The following IRAG2 variants were observed in gnomAD, a reference collection of about 807,000 sequenced individuals.
IRAG2 encodes the protein inositol 1,4,5-triphosphate receptor associated 2.
A neutral mutation model predicts 69.9 loss-of-function variants in IRAG2; 45 were observed. That is an observed-to-expected ratio of 0.64 (90% confidence interval 0.51 to 0.83). The LOEUF is 0.83. IRAG2 is among the 40% of genes least tolerant of loss of function. IRAG2 has a pLI of 0.00. For synonymous variants in IRAG2, 193 were observed against 202.4 expected (o/e 0.95, Z 0.40); for missense variants, 520 against 587.0 (o/e 0.89, Z 1.18).
rs892020890 is a variant in IRAG2 at position 25,017,314 on chromosome 12, T to C, written c.1214+22T>C. 32 of 1,231,950 alleles carry C rather than the reference T, an allele frequency of 2.6e-5. No homozygotes were observed. In the South Asian group the frequency reaches 1.0e-3, roughly 40 times the overall value. The allele number at this position is 1,231,950 out of a possible 1,614,324, so 76.3% of individuals were successfully genotyped here. On this transcript the variant is annotated intron_variant, in intron 6 of 38. Transcript: ENST00000636465. ...AAAGGTGAGCCACAGTGGGGTCCAG[T>C]GTGCGGGGAACTTTCATTTCTTTTT...
rs1205676727 is a variant in IRAG2, at chr12:25,066,532, T to C, written c.-59+20T>C. On this transcript the variant is annotated intron_variant, in intron 5 of 21. Coordinates refer to ENST00000556887, the MANE Select transcript of IRAG2 (RefSeq NM_001366544.2). Reference sequence around the variant, plus strand: ...ACACAAGTAGGTTAAGAGCAAAATTTACTTACTCTACTCCTCATGGGTGGC... The same window carrying C: ...ACACAAGTAGGTTAAGAGCAAAATTCACTTACTCTACTCCTCATGGGTGGC... 2.5e-6 allele frequency: 1 copy of C among 401,220 alleles called. No individual in the cohort carries two copies. Among genetic ancestry groups the C allele is most frequent in the Non-Finnish European group, 4.4e-6 (1 of 226,154 alleles). The allele number at this position is 401,220 out of a possible 1,614,324, so 24.9% of individuals were successfully genotyped here.
intron 1 of IRAG2, among the ~76,000 whole-genome samples, chr12:25,060,728 T>C (rs952139015): frequency 4.6e-5 from 7 of 151,042 alleles, no homozygotes; most frequent in African/African-American, 1.7e-4. Context: ...TGGCATGATC[T>C]TGGCTCACTG....
upstream of IRAG2, among the ~76,000 whole-genome samples, chr12:25,001,189 C>A (rs569148278): frequency 5.1e-4 from 77 of 152,072 alleles, no homozygotes; most frequent in Non-Finnish European, 9.3e-4. Context: ...AACCACAAAG[C>A]AGGGCTCACT....
chr12:25,046,698 G>C (rs1030405772), intron 16 of IRAG2, among the ~76,000 whole-genome samples: 6 of 151,964 alleles, frequency 3.9e-5, no homozygotes, highest in African/African-American at 1.4e-4. Context: ...AAATGAAAAG[G>C]CATCCTACGT....
intron 6 of IRAG2, among the ~76,000 whole-genome samples, chr12:25,072,833 G>T (rs529419508): frequency 1.3e-5 from 2 of 152,218 alleles, no homozygotes; most frequent in Non-Finnish European, 2.9e-5. Flanking sequence ...GCCAAACCAG[G>T]TAGCCTATAT....
Position 25,069,434 on chromosome 12 carries a change from G to A in IRAG2, c.24+3G>A. On this transcript the variant is annotated splice_donor_region_variant and intron_variant, in intron 6 of 21. Coordinates refer to ENST00000556887, the MANE Select transcript of IRAG2 (RefSeq NM_001366544.2). Reference sequence around the variant, plus strand: ...TGAATGATGACCCAAGTATGGAAGTGAGTGTTGGACTGGATTTTGGTTTCA... The same window carrying A: ...TGAATGATGACCCAAGTATGGAAGTAAGTGTTGGACTGGATTTTGGTTTCA... 6.2e-7 allele frequency: 1 copy of A among 1,613,946 alleles called. No homozygotes were observed. Among genetic ancestry groups the A allele is most frequent in the South Asian group, 1.1e-5 (1 of 91,074 alleles).
At chr12:25,073,681 C>G (rs1459077730) in intron 6 of IRAG2, among the ~76,000 whole-genome samples, 1 of 152,128 alleles carries the variant, frequency 6.6e-6, no homozygotes, top group Non-Finnish European at 1.5e-5. Context: ...TTGGGACATT[C>G]TTGAGGAAGA....
intron 10 of IRAG2, among the ~76,000 whole-genome samples, chr12:25,085,285 G>A (rs778882879): frequency 8.5e-5 from 13 of 152,228 alleles, no homozygotes; most frequent in Non-Finnish European, 1.5e-4. Flanking sequence ...ACTGAGTGGT[G>A]GAGGTGGCTC....
At chr12:25,049,876 G>A (rs1944826843), upstream of IRAG2, among the ~76,000 whole-genome samples, 2 of 151,266 alleles carry the variant, frequency 1.3e-5, no homozygotes, top group Non-Finnish European at 2.9e-5. Context: ...CTAGCTACCC[G>A]GGAGGCTGAG....
chr12:25,011,290 C>A, intron 2 of IRAG2: 2 of 1,142,226 alleles, frequency 1.8e-6, no homozygotes, highest in Non-Finnish European at 2.2e-6. Context: ...GATCAGGAAA[C>A]ATTAAAGAGA....
chr12:25,050,527 C>CA (rs747761089), upstream of IRAG2, among the ~76,000 whole-genome samples: 2,194 of 47,888 alleles, frequency 0.046, 99 homozygotes, highest in Middle Eastern at 0.2. Context: ...GACTCCGTCT[C>CA]AAAAAAAACA....
chr12:25,092,494 G>C (rs1005887063), intron 14 of IRAG2, among the ~76,000 whole-genome samples: 2 of 151,174 alleles, frequency 1.3e-5, no homozygotes, highest in Non-Finnish European at 2.9e-5. Context: ...GAACTCAGGA[G>C]GTGGAGGGAG....
At chr12:25,049,970 G>A (rs557345819), upstream of IRAG2, among the ~76,000 whole-genome samples, 58 of 104,126 alleles carry the variant, frequency 5.6e-4, 2 homozygotes, top group African/African-American at 2.2e-3. Context: ...GCAACACAGC[G>A]AAACTGTGTC....
the IRAG2 span, among the ~76,000 whole-genome samples, chr12:24,997,786 G>A: frequency 1.3e-5 from 2 of 152,092 alleles, no homozygotes; most frequent in African/African-American, 4.8e-5. Context: ...CCTCCAATAA[G>A]TCTATATTAG....
At chr12:25,102,716 C>T (rs1390274913) in intron 17 of IRAG2, 1 of 153,922 alleles carries the variant, frequency 6.5e-6, no homozygotes, top group African/African-American at 2.4e-5. Context: ...CCTAGAAGTC[C>T]AAAGTAACAT....
intron 5 of IRAG2, among the ~76,000 whole-genome samples, chr12:25,067,493 C>T (rs1946060390): frequency 1.3e-5 from 2 of 152,138 alleles, no homozygotes; most frequent in African/African-American, 4.8e-5. Context: ...TGAGATGCCC[C>T]TTGCAGGTTC....
chr12:25,094,546 T>C (rs1434486703), intron 14 of IRAG2, among the ~76,000 whole-genome samples: 2 of 152,280 alleles, frequency 1.3e-5, no homozygotes, highest in Middle Eastern at 3.4e-3. Context: ...TTTTGGCTAT[T>C]AGGGTCCCTT....
chr12:25,107,960 T>C lies in IRAG2; in HGVS notation c.1400T>C (p.Val467Ala). The change falls in exon 22 of 22, where the codon GTG (valine) becomes GCG (alanine). Residue 467 changes from valine (V) to alanine (A), a missense_variant. By Grantham distance (64) the Val-to-Ala change is moderately conservative. Coordinates refer to ENST00000556887, the MANE Select transcript of IRAG2 (RefSeq NM_001366544.2). Reference protein sequence around the residue: ...FLTGQLFQKSVDAAPTQQEDS... With the variant: ...FLTGQLFQKSADAAPTQQEDS... ...ACAGGCCAATTATTCCAGAAGTCTG[T>C]GGATGCCGCTCCCACACAGCAAGAG... The C allele has an allele frequency of 6.2e-7, 1 of 1,614,214 alleles. No homozygotes were observed. The highest frequency in any genetic ancestry group is 8.5e-7 in the Non-Finnish European group (1 of 1,180,044).
intron 4 of IRAG2, 57 bp from the exon 5 acceptor site, chr12:25,066,308 A>C (rs1348606416): frequency 5.0e-6 from 2 of 400,186 alleles, no homozygotes; most frequent in African/African-American, 2.1e-5. Flanking sequence ...TTTATGCTTC[A>C]ATATAGTTTG....
Sources: allele counts gnomAD v4.1 joint callset (sites outside exome capture counted in the v4.1 genomes callset), GRCh38; gene constraint gnomAD v4.1.1; transcripts MANE v1.5; gene names NCBI Gene and HGNC (gene_info 2026-07-23, HGNC 2026-07-21).